MTARC2: variants seen among roughly 807,000 people sequenced by gnomAD.
The protein encoded by MTARC2 is mitochondrial amidoxime reducing component 2.
In MTARC2, 27 loss-of-function variants were observed where a neutral mutation model predicts 35.6. That is an observed-to-expected ratio of 0.76 (90% CI 0.56 to 1.04). The LOEUF is 1.04. MTARC2 is among the 50% of genes least tolerant of loss of function. The probability of loss-of-function intolerance (pLI) is 0.00; values close to 1 mark genes in which losing one functional copy is unlikely to be tolerated. For missense variants in MTARC2, 412 were observed against 432.5 expected (o/e 0.95, Z 0.42); for synonymous variants, 158 against 167.1 (o/e 0.95, Z 0.42).
At chr1:220,755,872 C>T (rs1175498811) in intron 2 of MTARC2, among the ~76,000 whole-genome samples, 1 of 152,148 alleles carries the variant, frequency 6.6e-6, no homozygotes, top group Non-Finnish European at 1.5e-5. Context: ...ACAATGTGCT[C>T]ATCTTTAGGG....
At chr1:220,754,829 G>T (rs1259168891) in intron 1 of MTARC2, 118 bp from the exon 2 acceptor site, 7 of 971,378 alleles carry the variant, frequency 7.2e-6, no homozygotes, top group African/African-American at 1.6e-5. Context: ...TCTGGAAAAT[G>T]ATTGTTAGGT....
rs372467638 is a variant in MTARC2 at position 220,770,541 on chromosome 1, A to G, written c.750+7491A>G. On this transcript the variant is annotated intron_variant, in intron 4 of 7. Coordinates refer to ENST00000366913, the MANE Select transcript of MTARC2 (RefSeq NM_017898.5). ...CCTTCAAATACAGATGTTGGAGTAG[A>G]GACGGCAGAGTGGAGGTAAGGCAGG... 1.6e-5 allele frequency: 16 copies of G among 985,456 alleles called. 1 individual carries two copies. The African/African-American group carries it at 2.3e-4, about 14-fold the overall frequency. 61.0% of individuals were successfully genotyped at this position (985,456 alleles called of 1,614,324 possible).
chr1:220,752,912 A>G (rs1423633069), intron 1 of MTARC2, among the ~76,000 whole-genome samples: 1 of 151,770 alleles, frequency 6.6e-6, no homozygotes, highest in Non-Finnish European at 1.5e-5. Context: ...ACATATGCAT[A>G]TATACACTTA....
At chr1:220,780,408 G>T (rs542537215) in intron 6 of MTARC2, among the ~76,000 whole-genome samples, 169 bp downstream of exon 6, 1 of 151,558 alleles carries the variant, frequency 6.6e-6, no homozygotes, top group Non-Finnish European at 1.5e-5. Context: ...GAGCACTGTT[G>T]CTTCCTCTCT....
intron 2 of MTARC2, among the ~76,000 whole-genome samples, chr1:220,759,969 A>G (rs1489322286): frequency 6.6e-6 from 1 of 152,076 alleles, no homozygotes; most frequent in Non-Finnish European, 1.5e-5. Context: ...CCACATTGAA[A>G]TCCTTCACAT....
Position 220,781,628 on chromosome 1 carries a change from C to T in MTARC2, c.885-150C>T, listed in dbSNP as rs1672072844. 3 of 712,162 alleles carry T rather than the reference C, an allele frequency of 4.2e-6. No individual in the cohort carries two copies. The East Asian group carries it at 8.0e-5, about 19-fold the overall frequency. The allele number at this position is 712,162 out of a possible 1,614,324, so 44.1% of individuals were successfully genotyped here. A position where few individuals can be genotyped will look rare whatever the true frequency, so the allele number is the denominator to read the frequency against. On this transcript the variant is annotated intron_variant, in intron 6 of 7. Transcript: ENST00000366913. ...AAAACTAGAATTATTTGCAGTTTGACTAATTGTCCACAGACTTCTCTCGCA... is the reference window on the plus strand; with the variant it reads ...AAAACTAGAATTATTTGCAGTTTGATTAATTGTCCACAGACTTCTCTCGCA...
chr1:220,751,558 C>T (rs1272178136), intron 1 of MTARC2, among the ~76,000 whole-genome samples: 1 of 152,188 alleles, frequency 6.6e-6, no homozygotes, highest in East Asian at 1.9e-4. Flanking sequence ...TGCTGTTTTT[C>T]TCCTCCCACA....
intron 2 of MTARC2, among the ~76,000 whole-genome samples, chr1:220,755,782 G>A (rs72472380): frequency 0.014 from 2,073 of 152,324 alleles, 33 homozygotes; most frequent in East Asian, 0.06. Context: ...AGTTTCTTCA[G>A]TGTCAACAAG....
At chr1:220,774,382 G>A (rs970399941) in intron 4 of MTARC2, among the ~76,000 whole-genome samples, 3 of 152,156 alleles carry the variant, frequency 2.0e-5, no homozygotes, top group African/African-American at 7.2e-5. Context: ...CTATAATCAT[G>A]TAGAGTCATT....
intron 4 of MTARC2, among the ~76,000 whole-genome samples, chr1:220,773,246 T>A (rs56936567): frequency 0.017 from 2,523 of 152,204 alleles, 82 homozygotes; most frequent in African/African-American, 0.057. Flanking sequence ...TTACATGAAA[T>A]GAAACCTCCA....
At position 220,780,167 on chromosome 1, in the gene MTARC2, G is replaced by C; in HGVS notation, c.813-1G>C. 1 of 1,612,904 alleles carries C rather than the reference G, an allele frequency of 6.2e-7. No homozygotes were observed. The highest frequency in any genetic ancestry group is 8.5e-7 in the Non-Finnish European group (1 of 1,179,552). ...CCTAACCCTTGGTTACTGCATAACA[G>C]GTGTATTTTGACAACGGTGGACCCA... On this transcript the variant is annotated splice_acceptor_variant, in intron 5 of 7. Coordinates refer to ENST00000366913, the MANE Select transcript of MTARC2 (RefSeq NM_017898.5). LOFTEE classifies it high-confidence loss of function.
chr1:220,773,962 T>A (rs577076063), intron 4 of MTARC2, among the ~76,000 whole-genome samples: 2 of 147,770 alleles, frequency 1.4e-5, no homozygotes, highest in South Asian at 4.3e-4. Flanking sequence ...CTATTATATA[T>A]AAACACACAC....
intron 1 of MTARC2, chr1:220,754,353 T>C: frequency 2.2e-6 from 1 of 456,306 alleles, no homozygotes; most frequent in Non-Finnish European, 4.4e-6. Flanking sequence ...TGTGTGTCTT[T>C]GTTCTCTATG....
chr1:220,775,863 T>G (rs1671891579), intron 4 of MTARC2, among the ~76,000 whole-genome samples: 1 of 152,222 alleles, frequency 6.6e-6, no homozygotes, highest in African/African-American at 2.4e-5. Context: ...TAATCTGTGT[T>G]TTTTTATGGC....
In MTARC2 at chr1:220,760,022, G is replaced by A. The variant is rs337142; in HGVS notation, c.447-1636G>A. Among the ~76,000 whole-genome samples the A allele has an allele frequency of 3.4e-3, 511 of 152,194 alleles. 3 individuals are homozygous for A. Among genetic ancestry groups the A allele is most frequent in the African/African-American group, 0.011 (472 of 41,526 alleles). On this transcript the variant is annotated intron_variant, in intron 2 of 7. Coordinates refer to ENST00000366913, the MANE Select transcript of MTARC2 (RefSeq NM_017898.5). ...CTCACACTGGTATGAGCCTTCCCAC[G>A]GGGAGGGGCAAGCCCTTCCCATGGT...
At chr1:220,767,679 T>C (rs1298087274) in intron 4 of MTARC2, among the ~76,000 whole-genome samples, 1 of 152,242 alleles carries the variant, frequency 6.6e-6, no homozygotes, top group Non-Finnish European at 1.5e-5. Context: ...ATAACTTGTT[T>C]GTATCAGTCC....
At chr1:220,766,453 T>C (rs1480295033) in intron 4 of MTARC2, among the ~76,000 whole-genome samples, 1 of 152,138 alleles carries the variant, frequency 6.6e-6, no homozygotes, top group Non-Finnish European at 1.5e-5. Context: ...TCAAGAAGTA[T>C]GTTACTAAAG....
At chr1:220,748,941 G>T (rs1388746403) in intron 1 of MTARC2, 138 bp downstream of exon 1, 1 of 1,199,710 alleles carries the variant, frequency 8.3e-7, no homozygotes, top group Non-Finnish European at 1.1e-6. Flanking sequence ...TGGGCCGTTG[G>T]TCGTTTATCT....
intron 4 of MTARC2, among the ~76,000 whole-genome samples, chr1:220,764,514 T>C (rs1671528676): frequency 6.6e-6 from 1 of 152,196 alleles, no homozygotes; most frequent in Non-Finnish European, 1.5e-5. Flanking sequence ...CCAGGTGCTG[T>C]AGGTGCTCAT....
Sources: gnomAD v4.1 joint callset for allele counts (sites outside exome capture counted in the v4.1 genomes callset) on GRCh38, gnomAD v4.1.1 for gene constraint, MANE v1.5 for transcripts, NCBI Gene and HGNC (gene_info 2026-07-23, HGNC 2026-07-21) for gene names.